Variants in SPRED2 observed in about 807,000 individuals in gnomAD.
The protein encoded by SPRED2 is sprouty related EVH1 domain containing 2.
SPRED2 carries 47 observed loss-of-function variants against 43.0 expected under a neutral mutation model. The ratio of observed to expected loss-of-function variants is 1.09; its 90% CI spans 0.87 to 1.40. The LOEUF (loss-of-function observed/expected upper bound fraction) is 1.40. Among genes scored for constraint, SPRED2 ranks in the 40% most tolerant of loss-of-function variants. The pLI is 0.00. For synonymous variants in SPRED2, 225 were observed against 225.7 expected (o/e 1.00, Z 0.03); for missense variants, 561 against 586.4 (o/e 0.96, Z 0.45).
At chr2:65,352,094 G>T (rs6711791) in intron 1 of SPRED2, among the ~76,000 whole-genome samples, 88,841 of 152,092 alleles carry the variant, frequency 0.58, 26,112 homozygotes, top group East Asian at 0.79. Flanking sequence ...TGTGGTTAGG[G>T]TAGGCCATTA....
intron 2 of SPRED2, among the ~76,000 whole-genome samples, chr2:65,338,588 A>C (rs1456783756): frequency 6.6e-6 from 1 of 150,882 alleles, no homozygotes; most frequent in Non-Finnish European, 1.5e-5. Context: ...ACGGAGTCTC[A>C]TTCACTCAGT....
At chr2:65,378,074 T>C in intron 1 of SPRED2, 1 of 188,720 alleles carries the variant, frequency 5.3e-6, no homozygotes, top group East Asian at 1.3e-4. Context: ...CCAGTAAACA[T>C]CAGCTGAGCC....
intron 1 of SPRED2, among the ~76,000 whole-genome samples, chr2:65,417,015 T>G (rs931275042): frequency 6.6e-6 from 1 of 152,140 alleles, no homozygotes; most frequent in Non-Finnish European, 1.5e-5. Flanking sequence ...TTCTTCTCTC[T>G]CTTTGCTATA....
At chr2:65,379,083 T>C (rs964002346) in intron 1 of SPRED2, among the ~76,000 whole-genome samples, 1 of 152,104 alleles carries the variant, frequency 6.6e-6, no homozygotes, top group African/African-American at 2.4e-5. Context: ...CAATCAAAGA[T>C]GACACGAGAG....
chr2:65,357,450 CAG>C (rs1674686061), intron 1 of SPRED2, among the ~76,000 whole-genome samples: 1 of 152,188 alleles, frequency 6.6e-6, no homozygotes, highest in South Asian at 2.1e-4. Flanking sequence ...AATTAAAATC[CAG>C]ACTGCAGAAG....
chr2:65,388,746 C>T (rs915024324), intron 1 of SPRED2, among the ~76,000 whole-genome samples: 4 of 152,144 alleles, frequency 2.6e-5, no homozygotes, highest in African/African-American at 9.7e-5. Flanking sequence ...ACTAAAAACA[C>T]TACTGTTGTG....
intron 1 of SPRED2, among the ~76,000 whole-genome samples, chr2:65,422,619 G>A (rs1572907082): frequency 6.6e-6 from 1 of 151,778 alleles, no homozygotes; most frequent in Non-Finnish European, 1.5e-5. Flanking sequence ...TGCAACTGGG[G>A]CCTAAGTACA....
At chr2:65,317,662 G>A (rs868112885) in intron 4 of SPRED2, among the ~76,000 whole-genome samples, 13 of 152,260 alleles carry the variant, frequency 8.5e-5, no homozygotes, top group Middle Eastern at 6.8e-3. Flanking sequence ...TGAAACCCAC[G>A]TGTTTATATG....
intron 4 of SPRED2, 114 bp from the exon 5 acceptor site, chr2:65,316,997 G>C (rs1463872726): frequency 4.4e-6 from 5 of 1,140,418 alleles, no homozygotes; most frequent in Non-Finnish European, 6.2e-6. Context: ...GTGGCAATTT[G>C]CTGCTCTTCC....
chr2:65,327,772 G>A (rs1330452405), intron 4 of SPRED2, among the ~76,000 whole-genome samples: 2 of 136,220 alleles, frequency 1.5e-5, no homozygotes, highest in East Asian at 4.6e-4. Context: ...CGCCCAGGCT[G>A]GAGTGCAATG....
At chr2:65,401,974 CCT>C (rs1491069995) in intron 1 of SPRED2, among the ~76,000 whole-genome samples, 9 of 128,558 alleles carry the variant, frequency 7.0e-5, no homozygotes, top group Non-Finnish European at 1.3e-4. Flanking sequence ...CACACACACA[CCT>C]GTTAATTTGT....
At chr2:65,350,667 A>AG (rs1374196148) in intron 1 of SPRED2, among the ~76,000 whole-genome samples, 1 of 152,242 alleles carries the variant, frequency 6.6e-6, no homozygotes, top group African/African-American at 2.4e-5. Flanking sequence ...GAGGCAGGTG[A>AG]CATTGTAAGT....
intron 1 of SPRED2, among the ~76,000 whole-genome samples, chr2:65,373,028 C>T (rs1314447488): frequency 6.6e-6 from 1 of 152,194 alleles, no homozygotes; most frequent in Non-Finnish European, 1.5e-5. Context: ...TGTCAGATGC[C>T]TATACAGCTG....
chr2:65,351,585 A>T (rs1674511410), intron 1 of SPRED2, among the ~76,000 whole-genome samples: 1 of 152,236 alleles, frequency 6.6e-6, no homozygotes, highest in African/African-American at 2.4e-5. Flanking sequence ...GGAGCCAGGC[A>T]CACTCACTTT....
At chr2:65,318,182 G>A (rs1477674779) in intron 4 of SPRED2, among the ~76,000 whole-genome samples, 5 of 152,150 alleles carry the variant, frequency 3.3e-5, no homozygotes, top group East Asian at 3.9e-4. Context: ...GCCACCATCC[G>A]CGTAAGATGT....
intron 1 of SPRED2, among the ~76,000 whole-genome samples, chr2:65,398,115 G>T (rs1040082655): frequency 9.2e-5 from 14 of 152,174 alleles, no homozygotes; most frequent in Middle Eastern, 3.4e-3. Flanking sequence ...CTTTGACAAA[G>T]CAAACAAAAA....
intron 1 of SPRED2, among the ~76,000 whole-genome samples, chr2:65,418,259 G>A (rs954364576): frequency 1.3e-5 from 2 of 152,126 alleles, no homozygotes; most frequent in East Asian, 3.9e-4. Flanking sequence ...GTCCAAATAC[G>A]TGCTTTGTCA....
chr2:65,310,430 G>A (rs1364573830), downstream of SPRED2, among the ~76,000 whole-genome samples: 2 of 148,788 alleles, frequency 1.3e-5, no homozygotes, highest in African/African-American at 5.0e-5. Flanking sequence ...GTTAACAATT[G>A]TTTTCTGCGA....
chr2:65,429,409 CAG>C (rs1327029126), intron 1 of SPRED2, among the ~76,000 whole-genome samples: 1 of 152,092 alleles, frequency 6.6e-6, no homozygotes, highest in East Asian at 1.9e-4. Context: ...AAGAAAAAAA[CAG>C]ATCAAATTCA....
Sources: allele counts gnomAD v4.1 joint callset (sites outside exome capture counted in the v4.1 genomes callset), GRCh38; gene constraint gnomAD v4.1.1; transcripts MANE v1.5; gene names NCBI Gene and HGNC (gene_info 2026-07-23, HGNC 2026-07-21).